Variants in PRKAR1B observed in about 807,000 individuals in gnomAD.
The protein encoded by PRKAR1B is cAMP-dependent protein kinase type I-beta regulatory subunit.
In PRKAR1B, 22 loss-of-function variants were observed where a neutral mutation model predicts 46.5. The ratio of observed to expected loss-of-function variants is 0.47; its 90% CI spans 0.34 to 0.68. The LOEUF is 0.68. Ranked by LOEUF, PRKAR1B falls within the 30% of genes least tolerant of loss-of-function variation. The pLI is 0.01. For missense variants in PRKAR1B, 445 were observed against 535.6 expected, an observed-to-expected ratio of 0.83 and a Z score of 1.67; for synonymous variants, 259 against 217.7, an observed-to-expected ratio of 1.19 and a Z score of -1.67.
At chr7:563,883 GTATA>G (rs1301005481) in intron 9 of PRKAR1B, among the ~76,000 whole-genome samples, 1 of 151,898 alleles carries the variant, frequency 6.6e-6, no homozygotes, top group African/African-American at 2.4e-5. Flanking sequence ...TTGTGGGTGT[GTATA>G]TGTGCATGTG....
At chr7:575,215 C>T (rs922890415) in intron 9 of PRKAR1B, among the ~76,000 whole-genome samples, 2 of 152,190 alleles carry the variant, frequency 1.3e-5, no homozygotes, top group Non-Finnish European at 2.9e-5. Context: ...GCTGGCGGGA[C>T]GTCCAAGATG....
chr7:647,650 C>A lies in PRKAR1B; in HGVS notation c.440+29579G>T, dbSNP rs542739176. 2.0e-5 allele frequency among the ~76,000 whole-genome samples: 3 copies of A among 151,608 alleles called. 1 individual carries two copies. In the South Asian group the frequency reaches 6.3e-4, roughly 32 times the overall value. ...TGAAACCCCGTCTCTACTAAAAATA[C>A]AAAAAATTAGCCGGGCGAGGTGGCA... On this transcript the variant is annotated intron_variant, in intron 4 of 10. Transcript: ENST00000537384.
At chr7:727,488 A>ACCCCG (rs1781383560), upstream of PRKAR1B, 1 of 245,970 alleles carries the variant, frequency 4.1e-6, no homozygotes, top group African/African-American at 3.3e-5. Context: ...GCCCCAAAGC[A>ACCCCG]CCCCGCCCGG....
At chr7:597,768 C>T (rs534273055) in intron 6 of PRKAR1B, among the ~76,000 whole-genome samples, 5 of 152,288 alleles carry the variant, frequency 3.3e-5, no homozygotes, top group Admixed American at 6.5e-5. Flanking sequence ...GGCCTGCGGG[C>T]GATGAAGCTG....
intron 4 of PRKAR1B, among the ~76,000 whole-genome samples, chr7:632,835 G>A (rs552102703): frequency 2.6e-4 from 28 of 109,084 alleles, no homozygotes; most frequent in Middle Eastern, 4.9e-3. Flanking sequence ...GGGACTCTAC[G>A]GGGCTGTGTG....
intron 2 of PRKAR1B, chr7:696,624 G>A (rs1159561209): frequency 6.6e-6 from 1 of 152,242 alleles, no homozygotes; most frequent in African/African-American, 2.4e-5. Flanking sequence ...TTACTTCATA[G>A]AGGAGAGACT....
chr7:696,029 C>T (rs908584102), intron 2 of PRKAR1B, among the ~76,000 whole-genome samples: 5 of 139,294 alleles, frequency 3.6e-5, no homozygotes, highest in East Asian at 4.2e-4. Context: ...AGTATAGTGG[C>T]GTGACCATAG....
chr7:694,574 A>G (rs1044483666), intron 2 of PRKAR1B, among the ~76,000 whole-genome samples: 1 of 152,004 alleles, frequency 6.6e-6, no homozygotes, highest in Non-Finnish European at 1.5e-5. Context: ...GCCTGTTTCA[A>G]TGCCACCTCC....
At chr7:692,544 C>T (rs1436055596) in intron 2 of PRKAR1B, among the ~76,000 whole-genome samples, 1 of 152,100 alleles carries the variant, frequency 6.6e-6, no homozygotes, top group Non-Finnish European at 1.5e-5. Flanking sequence ...GAAATAGTAG[C>T]AATAATAGAG....
intron 8 of PRKAR1B, among the ~76,000 whole-genome samples, chr7:584,055 G>A (rs987002505): frequency 1.3e-5 from 2 of 152,224 alleles, no homozygotes; most frequent in African/African-American, 4.8e-5. Context: ...TGATGGCGGC[G>A]TAGAAAGGGC....
chr7:653,506 C>G (rs1479224708), intron 4 of PRKAR1B, among the ~76,000 whole-genome samples: 1 of 152,188 alleles, frequency 6.6e-6, no homozygotes, highest in Non-Finnish European at 1.5e-5. Context: ...CACTGCTAAG[C>G]AAGGCCACCT....
At chr7:623,205 A>G (rs1783203766) in intron 4 of PRKAR1B, among the ~76,000 whole-genome samples, 1 of 152,208 alleles carries the variant, frequency 6.6e-6, no homozygotes, top group Non-Finnish European at 1.5e-5. Flanking sequence ...CTAAATAGCA[A>G]TAACTCAGTC....
intron 4 of PRKAR1B, among the ~76,000 whole-genome samples, chr7:633,530 G>A (rs948531246): frequency 6.6e-5 from 10 of 152,180 alleles, no homozygotes; most frequent in Non-Finnish European, 1.5e-4. Flanking sequence ...TTGGGAGGCC[G>A]AGGCGGGAGG....
intron 4 of PRKAR1B, among the ~76,000 whole-genome samples, chr7:659,059 G>T (rs1441265823): frequency 6.6e-6 from 1 of 152,186 alleles, no homozygotes; most frequent in Non-Finnish European, 1.5e-5. Flanking sequence ...ACACAGCACA[G>T]ACACTCTGCG....
intron 4 of PRKAR1B, among the ~76,000 whole-genome samples, chr7:649,775 A>G (rs2128489346): frequency 6.6e-6 from 1 of 151,698 alleles, no homozygotes; most frequent in East Asian, 1.9e-4. Context: ...TATGTTGCCC[A>G]GGCTGCTCTC....
intron 2 of PRKAR1B, among the ~76,000 whole-genome samples, chr7:694,478 C>A (rs924140303): frequency 2.6e-5 from 4 of 152,044 alleles, no homozygotes; most frequent in African/African-American, 9.7e-5. Flanking sequence ...GAGTAGCTTG[C>A]CAAGGAGAGA....
At chr7:684,064 C>T (rs1037496602) in intron 2 of PRKAR1B, among the ~76,000 whole-genome samples, 10 of 150,894 alleles carry the variant, frequency 6.6e-5, no homozygotes, top group Non-Finnish European at 1.3e-4. Flanking sequence ...CTGTGTATGC[C>T]GATGCCCACC....
intron 4 of PRKAR1B, among the ~76,000 whole-genome samples, chr7:653,681 T>A (rs967234641): frequency 6.6e-6 from 1 of 152,146 alleles, no homozygotes; most frequent in Non-Finnish European, 1.5e-5. Context: ...AACCACATGG[T>A]GCTACATAGC....
Position 606,243 on chromosome 7 carries a change from T to C in PRKAR1B, c.503-4A>G. ...TAGAAGTTGTCTCCTTCATTCCCTG[T>C]AACAAAAGAAGAAAGTCAACAGATA... On this transcript the variant is annotated splice_region_variant and splice_polypyrimidine_tract_variant and intron_variant, in intron 5 of 10. Transcript: ENST00000537384. 2 of 1,613,096 alleles carry C rather than the reference T, an allele frequency of 1.2e-6. No individual in the cohort carries two copies. Among genetic ancestry groups the C allele is most frequent in the Non-Finnish European group, 1.7e-6 (2 of 1,179,336 alleles).
Sources: allele counts gnomAD v4.1 joint callset (sites outside exome capture counted in the v4.1 genomes callset), GRCh38; gene constraint gnomAD v4.1.1; transcripts MANE v1.5; gene names NCBI Gene and HGNC (gene_info 2026-07-23, HGNC 2026-07-21).